The following PDXDC1 variants were observed in gnomAD, a reference collection of about 807,000 sequenced individuals.
The protein encoded by PDXDC1 is pyridoxal dependent decarboxylase domain containing 1, also known as pyridoxal-dependent decarboxylase domain-containing protein 1.
A neutral mutation model predicts 100.1 loss-of-function variants in PDXDC1; 42 were observed. The observed-to-expected ratio is 0.42, with a 90% CI of 0.33 to 0.54. PDXDC1 has a LOEUF of 0.54. Ranked by LOEUF, PDXDC1 falls within the 20% of genes least tolerant of loss-of-function variation. The probability of loss-of-function intolerance (pLI) is 0.10; values close to 1 mark genes in which losing one functional copy is unlikely to be tolerated. For missense variants in PDXDC1, 636 were observed against 979.2 expected, an observed-to-expected ratio of 0.65 and a Z score of 4.68; for synonymous variants, 260 against 371.7, an observed-to-expected ratio of 0.70 and a Z score of 3.46.
In PDXDC1 at chr16:15,083,398, CAAAAAA is replaced by C. The variant is rs1368487944; in HGVS notation, c.1399+53343_1399+53348del. 5.4e-6 allele frequency: 8 copies of C among 1,491,224 alleles called. No individual in the cohort carries two copies. In the Admixed American group the frequency reaches 9.6e-5, roughly 18 times the overall value. 92.4% of individuals were successfully genotyped at this position (1,491,224 alleles called of 1,614,324 possible). ...TGGGCGACAGAGTGAGACTCGGTCT[CAAAAAA>C]GAAAAAGAAAAAGAAAGACTGGAAA... On this transcript the variant is annotated intron_variant, in intron 16 of 16. Coordinates refer to the PDXDC1 transcript ENST00000535621.
chr16:15,131,393 T>A, intron 16 of PDXDC1: 2 of 1,598,310 alleles, frequency 1.3e-6, no homozygotes, highest in South Asian at 1.1e-5. Context: ...ACCAGAAAGA[T>A]GAGCTGCACC....
At chr16:15,079,694 G>A (rs2045615670) in intron 16 of PDXDC1, among the ~76,000 whole-genome samples, 1 of 151,870 alleles carries the variant, frequency 6.6e-6, no homozygotes, top group Non-Finnish European at 1.5e-5. Flanking sequence ...CCGGATTCAA[G>A]CAATTCTCCC....
At position 15,086,094 on chromosome 16, in the gene PDXDC1, T is replaced by C. The variant is rs772422104; in HGVS notation, c.1400-52785T>C. On this transcript the variant is annotated intron_variant, in intron 16 of 16. Coordinates refer to the PDXDC1 transcript ENST00000535621. ...AAGGTAGTATTTTAATAAAGAAGTATTAAAAAGAAAATAAAATTCCAAGCA... is the reference window on the plus strand; with the variant it reads ...AAGGTAGTATTTTAATAAAGAAGTACTAAAAAGAAAATAAAATTCCAAGCA... The C allele has an allele frequency of 2.5e-6, 4 of 1,587,910 alleles. No individual in the cohort carries two copies. The African/African-American group carries it at 4.1e-5, about 16-fold the overall frequency.
Position 15,131,552 on chromosome 16 carries a change from G to A in PDXDC1, c.1400-7327G>A, listed in dbSNP as rs557193232. ...ATCTCCTCGCCCGCCAGTGTCAGGG[G>A]CTCCTCGTTGAGCACGCGGGAGCGC... On this transcript the variant is annotated intron_variant, in intron 16 of 16. Coordinates refer to the PDXDC1 transcript ENST00000535621. 15 of 1,609,468 alleles carry A rather than the reference G, an allele frequency of 9.3e-6. No homozygotes were observed. The African/African-American group carries it at 1.5e-4, about 16-fold the overall frequency.
chr16:15,063,132 T>C, intron 16 of PDXDC1: 2 of 1,236,674 alleles, frequency 1.6e-6, no homozygotes, highest in Non-Finnish European at 2.4e-6. Flanking sequence ...CCACTTACTA[T>C]CTCACTGTGA....
intron 16 of PDXDC1, chr16:15,061,807 G>A: frequency 6.2e-7 from 1 of 1,614,180 alleles, no homozygotes; most frequent in East Asian, 2.2e-5. Flanking sequence ...AAGGACTTCG[G>A]AAATGCGTGT....
intron 1 of PDXDC1, among the ~76,000 whole-genome samples, chr16:14,993,775 C>G (rs1379781477): frequency 2.0e-5 from 3 of 152,304 alleles, no homozygotes; most frequent in African/African-American, 7.2e-5. Flanking sequence ...TAAAAGTGTT[C>G]CTATTTCTCC....
chr16:15,085,713 A>T, intron 16 of PDXDC1: 2 of 1,612,912 alleles, frequency 1.2e-6, no homozygotes, highest in Non-Finnish European at 1.7e-6. Flanking sequence ...TGAGGGAAAA[A>T]GAAAATATGT....
downstream of PDXDC1, among the ~76,000 whole-genome samples, chr16:15,143,493 C>T (rs181285875): frequency 8.6e-3 from 1,304 of 152,278 alleles, 6 homozygotes; most frequent in Middle Eastern, 0.037. Flanking sequence ...CCAGGTCGGG[C>T]CCCCTCGCCC....
At chr16:14,977,169 G>A (rs1377324805) in intron 1 of PDXDC1, among the ~76,000 whole-genome samples, 1 of 151,326 alleles carries the variant, frequency 6.6e-6, no homozygotes, top group African/African-American at 2.4e-5. Context: ...CACAAAAATT[G>A]TAGTGATCTT....
intron 16 of PDXDC1, chr16:15,084,762 C>T: frequency 8.2e-7 from 1 of 1,215,844 alleles, no homozygotes; most frequent in Non-Finnish European, 1.2e-6. Context: ...GGGCGACACG[C>T]TTGAAGCTAA....
chr16:14,993,549 AC>A (rs1971327484), intron 1 of PDXDC1, among the ~76,000 whole-genome samples: 1 of 152,298 alleles, frequency 6.6e-6, no homozygotes, highest in Admixed American at 6.5e-5. Context: ...TCATTGATGG[AC>A]ATTTGGGTTG....
intron 16 of PDXDC1, chr16:15,065,107 G>C: frequency 9.2e-7 from 1 of 1,086,110 alleles, no homozygotes; most frequent in South Asian, 1.7e-5. Flanking sequence ...CGGAGCTTGC[G>C]GTAAGCCGAG....
At chr16:15,070,704 G>A (rs1356453447) in intron 16 of PDXDC1, among the ~76,000 whole-genome samples, 1 of 151,944 alleles carries the variant, frequency 6.6e-6, no homozygotes, top group African/African-American at 2.4e-5. Context: ...CTTGTCCAAA[G>A]GTATCTTTAT....
chr16:15,141,606 GCCA>G (rs941349720), downstream of PDXDC1, among the ~76,000 whole-genome samples: 8 of 152,184 alleles, frequency 5.3e-5, no homozygotes, highest in Non-Finnish European at 1.0e-4. Flanking sequence ...CTCCGGCAGG[GCCA>G]CCGCTTCCCC....
intron 16 of PDXDC1, among the ~76,000 whole-genome samples, chr16:15,111,408 A>T (rs1272686210): frequency 3.6e-5 from 5 of 138,600 alleles, no homozygotes; most frequent in Non-Finnish European, 7.7e-5. Context: ...TTGAGCTGAG[A>T]TTGTGCCATT....
chr16:15,143,108 T>C (rs2048500253), downstream of PDXDC1, among the ~76,000 whole-genome samples: 1 of 152,082 alleles, frequency 6.6e-6, no homozygotes, highest in South Asian at 2.1e-4. Context: ...GGCAGGACGG[T>C]GCCCCAGCCC....
intron 16 of PDXDC1, among the ~76,000 whole-genome samples, chr16:15,063,721 A>G (rs1362080398): frequency 1.3e-5 from 2 of 150,744 alleles, no homozygotes; most frequent in Non-Finnish European, 3.0e-5. Context: ...AAAAAAAAAA[A>G]AGAAAAAAAC....
chr16:15,048,534 C>T (rs938980987), intron 16 of PDXDC1, among the ~76,000 whole-genome samples: 1 of 151,184 alleles, frequency 6.6e-6, no homozygotes, highest in African/African-American at 2.4e-5. Context: ...CAGTTCTTTA[C>T]TAAAGAGTGT....
Sources: gnomAD v4.1 joint callset for allele counts (sites outside exome capture counted in the v4.1 genomes callset) on GRCh38, gnomAD v4.1.1 for gene constraint, MANE v1.5 for transcripts, NCBI Gene and HGNC (gene_info 2026-07-23, HGNC 2026-07-21) for gene names.